UMODL1: variants seen among roughly 807,000 people sequenced by gnomAD.
UMODL1 encodes the protein uromodulin-like 1.
UMODL1 carries 128 observed loss-of-function variants against 136.3 expected under a neutral mutation model. The observed-to-expected ratio is 0.94, with a 90% CI of 0.81 to 1.09. UMODL1 has a LOEUF of 1.09. Among genes scored for constraint, UMODL1 ranks in the 50% least tolerant of loss-of-function variants. The pLI is 0.00. For synonymous variants in UMODL1, 721 were observed against 720.0 expected (o/e 1.00, Z -0.02); for missense variants, 1,766 against 1,725.6 (o/e 1.02, Z -0.41).
intron 6 of UMODL1, among the ~76,000 whole-genome samples, chr21:42,094,372 G>A (rs2066528576): frequency 6.6e-6 from 1 of 152,280 alleles, no homozygotes; most frequent in Non-Finnish European, 1.5e-5. Flanking sequence ...ACAAGGGCCA[G>A]ACTGTCAGAC....
At chr21:42,103,774 T>C in intron 8 of UMODL1, 94 bp from the exon 9 acceptor site, 1 of 1,434,452 alleles carries the variant, frequency 7.0e-7, no homozygotes, top group Non-Finnish European at 9.8e-7. Flanking sequence ...AGGAGAGAAA[T>C]GGCTCCAAGC....
At chr21:42,092,077 G>A (rs886923529) in intron 6 of UMODL1, among the ~76,000 whole-genome samples, 9 of 152,246 alleles carry the variant, frequency 5.9e-5, no homozygotes, top group East Asian at 1.9e-4. Context: ...GAGGGTACAC[G>A]CATGGGTAAC....
chr21:42,093,140 T>G (rs2066512417), intron 6 of UMODL1, among the ~76,000 whole-genome samples: 1 of 152,278 alleles, frequency 6.6e-6, no homozygotes, highest in Admixed American at 6.5e-5. Context: ...TTGAATTATT[T>G]TATTTGGCGT....
At chr21:42,081,375 C>G (rs2146432723) in intron 2 of UMODL1, among the ~76,000 whole-genome samples, 1 of 152,334 alleles carries the variant, frequency 6.6e-6, no homozygotes, top group East Asian at 1.9e-4. Context: ...CCATGACTAG[C>G]AGTGTTGCCA....
At chr21:42,118,827 G>A (rs538534077) in intron 14 of UMODL1, among the ~76,000 whole-genome samples, 53 of 152,288 alleles carry the variant, frequency 3.5e-4, no homozygotes, top group African/African-American at 1.2e-3. Context: ...GTCTCTGCCT[G>A]TGCCCCCAAG....
rs775530398 is a variant in UMODL1 at position 42,076,079 on chromosome 21, G to GT, written c.152dup (p.Gln52AlafsTer21). 6.3e-5 allele frequency: 101 copies of GT among 1,614,246 alleles called. 1 individual carries two copies. The South Asian group carries it at 1.0e-3, about 16-fold the overall frequency. ...CCACACTGTACAGAAGGTGGAGGCC[G>GT]TGCAGACGTCCTACACGTCCTATGT... On this transcript the variant is annotated frameshift_variant, in exon 2 of 23. Coordinates refer to ENST00000408910, the MANE Select transcript of UMODL1 (RefSeq NM_001004416.3). LOFTEE classifies it high-confidence loss of function.
chr21:42,083,479 C>A (rs200734055), intron 2 of UMODL1, among the ~76,000 whole-genome samples: 1 of 152,260 alleles, frequency 6.6e-6, no homozygotes, highest in Non-Finnish European at 1.5e-5. Context: ...GCCTGTACCT[C>A]GCCTTGTGGG....
rs1305875418 is a variant in UMODL1, at chr21:42,123,180, T to C, written c.3147+30T>C. 1.9e-6 allele frequency: 3 copies of C among 1,585,836 alleles called. No homozygotes were observed. The highest frequency in any genetic ancestry group is 2.6e-6 in the Non-Finnish European group (3 of 1,163,054). The stretch of plus-strand genomic sequence containing the variant: ...GACCAGGAGAGCCAGGCTCAGGATG[T>C]ACACTAGGGCGCAAGGGGCTCTAGG... On this transcript the variant is annotated intron_variant, in intron 17 of 22. Transcript: ENST00000408910. This position sits in a 1 kb window ranked among gnomAD's most constrained non-coding sequence, Gnocchi z 4.4.
chr21:42,104,071 G>A lies in UMODL1; in HGVS notation c.1503G>A (p.Gln501=), dbSNP rs775681230. ...GCACAGTGTTCCAGATTGACCGGCA[G>A]GGGACACGCGTGCAAGGTATGGCCC... The part of the protein sequence containing the change: ...LASTVFQIDR[Q]GTRVQDWDEC... Residue 501 remains glutamine, a synonymous_variant, in exon 9 of 23, where the codon CAG becomes CAA. Coordinates refer to ENST00000408910, the MANE Select transcript of UMODL1 (RefSeq NM_001004416.3). 1.2e-6 allele frequency: 2 copies of A among 1,612,000 alleles called. No homozygotes were observed. Among genetic ancestry groups the A allele is most frequent in the Non-Finnish European group, 8.5e-7 (1 of 1,178,746 alleles).
At chr21:42,108,281 C>A (rs1401131588) in intron 9 of UMODL1, 3 of 508,652 alleles carry the variant, frequency 5.9e-6, no homozygotes, top group South Asian at 3.0e-5. Context: ...CCCGGAGCAC[C>A]CCCAGGAGAG....
chr21:42,064,132 C>T (rs1422695144), intron 1 of UMODL1, among the ~76,000 whole-genome samples: 3 of 152,194 alleles, frequency 2.0e-5, no homozygotes, highest in South Asian at 4.1e-4. Context: ...AGATCCCTGG[C>T]GTTCTCCGTT....
rs202199848 is a variant in UMODL1, at chr21:42,084,173, A to G, written c.409A>G (p.Ile137Val). The change falls in exon 3 of 23, where the codon ATC (isoleucine) becomes GTC (valine). Residue 137 changes from isoleucine to valine, a missense_variant. Ile to Val is a conservative substitution (Grantham distance 29, BLOSUM62 3). Coordinates refer to ENST00000408910, the MANE Select transcript of UMODL1 (RefSeq NM_001004416.3). ...EPSTSPCSLD[I>V]DCPGLEKCCP... The stretch of plus-strand genomic sequence containing the variant: ...ATCCACCTCCCCCTGCAGCTTGGAC[A>G]TCGACTGTCCTGGACTTGAGAAGTG... 5.6e-6 allele frequency: 9 copies of G among 1,614,060 alleles called. No homozygotes were observed. Among genetic ancestry groups the G allele is most frequent in the East Asian group, 2.2e-5 (1 of 44,872 alleles).
At chr21:42,095,103 T>TTTTTTTTTTC (rs2066541354) in intron 6 of UMODL1, among the ~76,000 whole-genome samples, 1 of 130,032 alleles carries the variant, frequency 7.7e-6, no homozygotes. Flanking sequence ...TTTTTTTTTT[T>TTTTTTTTTTC]TTTTTTTTTG....
chr21:42,085,291 C>G lies in UMODL1; in HGVS notation c.482C>G (p.Ala161Gly). The change falls in exon 4 of 23, where the codon GCT (alanine) becomes GGT (glycine). Residue 161 changes from alanine (A) to glycine (G), a missense_variant and splice_region_variant. Physicochemically the swap from Ala to Gly is moderately conservative, Grantham distance 60. Coordinates refer to ENST00000408910, the MANE Select transcript of UMODL1 (RefSeq NM_001004416.3). This position sits in a 1 kb window ranked among gnomAD's most constrained non-coding sequence, Gnocchi z 4.5. ...GRYCMAPAPQ[A>G]PERDPVGSWY... ...ATCATCAGTGTTTTCCCTTGTGTAG[C>G]TCCAGAGAGGGACCCTGTGGGCTCC... The G allele has an allele frequency of 4.3e-6, 7 of 1,613,808 alleles. No homozygotes were observed. The highest frequency in any genetic ancestry group is 5.1e-6 in the Non-Finnish European group (6 of 1,179,826).
chr21:42,137,154 G>T (rs1333728784), intron 21 of UMODL1, among the ~76,000 whole-genome samples: 2 of 152,206 alleles, frequency 1.3e-5, no homozygotes, highest in East Asian at 3.9e-4. Flanking sequence ...TCCATGCAGG[G>T]AATCTGACTG....
chr21:42,070,674 T>C (rs751014792), upstream of UMODL1, among the ~76,000 whole-genome samples: 1 of 152,244 alleles, frequency 6.6e-6, no homozygotes, highest in Non-Finnish European at 1.5e-5. Flanking sequence ...CTGTAATAAT[T>C]ACTCTCCCAC....
At chr21:42,110,763 G>C (rs1324986823) in intron 10 of UMODL1, 117 bp from the exon 11 acceptor site, 2 of 1,044,186 alleles carry the variant, frequency 1.9e-6, no homozygotes, top group Non-Finnish European at 2.7e-6. Context: ...TGCGTCCCTG[G>C]CCAGGTCCAC....
Position 42,104,036 on chromosome 21 carries a change from C to T in UMODL1, c.1468C>T (p.Leu490=), listed in dbSNP as rs990811881. The change falls in exon 9 of 23, where the codon CTG becomes TTG. Residue 490 remains leucine (L), a synonymous_variant. Transcript: ENST00000408910. ...ISTLAPILQP[L]LASTVFQIDR... is the part of the protein sequence containing the mutation. ...CACGCTGGCCCCCATACTCCAGCCC[C>T]TGTTGGCAAGCACAGTGTTCCAGAT... 1 of 1,613,858 alleles carries T rather than the reference C, an allele frequency of 6.2e-7. No individual in the cohort carries two copies. The highest frequency in any genetic ancestry group is 1.3e-5 in the African/African-American group (1 of 74,932).
chr21:42,130,472 GTAT>G (rs76728303), intron 21 of UMODL1, among the ~76,000 whole-genome samples: 8,230 of 152,140 alleles, frequency 0.054, 356 homozygotes, highest in East Asian at 0.23. Context: ...TGTGCTTTGG[GTAT>G]TAAGAGAGAA....
Sources: allele counts gnomAD v4.1 joint callset (sites outside exome capture counted in the v4.1 genomes callset), GRCh38; gene constraint gnomAD v4.1.1; non-coding constraint Gnocchi (gnomAD v3.1); transcripts MANE v1.5; gene names NCBI Gene and HGNC (gene_info 2026-07-23, HGNC 2026-07-21).